The following MYH9 variants were observed in gnomAD, a reference collection of about 807,000 sequenced individuals.
The protein encoded by MYH9 is myosin heavy chain 9.
A neutral mutation model predicts 241.9 loss-of-function variants in MYH9; 29 were observed. That is an observed-to-expected ratio of 0.12 (90% CI 0.09 to 0.16). The LOEUF is 0.16. MYH9 is among the 10% of genes least tolerant of loss of function. The pLI, the probability that MYH9 is intolerant of heterozygous loss-of-function variation, is 1.00. For synonymous variants in MYH9, 1,047 were observed against 1,062.6 expected, an observed-to-expected ratio of 0.99 and a Z score of 0.29; for missense variants, 1,803 against 2,595.5, an observed-to-expected ratio of 0.69 and a Z score of 6.63.
At chr22:36,336,986 C>A (rs533054249) in intron 3 of MYH9, among the ~76,000 whole-genome samples, 1 of 152,236 alleles carries the variant, frequency 6.6e-6, no homozygotes, top group African/African-American at 2.4e-5. Flanking sequence ...TGTGATGCCC[C>A]ACCCGTGCCC....
chr22:36,284,976 G>A, intron 38 of MYH9, 145 bp downstream of exon 38: 1 of 736,622 alleles, frequency 1.4e-6, no homozygotes, highest in South Asian at 1.7e-5. Context: ...CCTGTGGAAG[G>A]GATGAGGGCC....
Position 36,293,529 on chromosome 22 carries a change from A to C in MYH9, c.3943-48T>G, listed in dbSNP as rs749900567. The C allele has an allele frequency of 6.2e-7, 1 of 1,606,608 alleles. No homozygotes were observed. The highest frequency in any genetic ancestry group is 1.7e-5 in the Admixed American group (1 of 60,010). The stretch of plus-strand genomic sequence containing the variant: ...GCGGGTGCTTAGGAGGGTGGTGTCC[A>C]AAACCCAGGAACCCCACACCCTTGA... On this transcript the variant is annotated intron_variant, in intron 29 of 40. Transcript: ENST00000216181. This position sits in a 1 kb window ranked among gnomAD's most constrained non-coding sequence, Gnocchi z 5.1.
chr22:36,379,309 C>T (rs2146425422), intron 1 of MYH9, among the ~76,000 whole-genome samples: 1 of 152,308 alleles, frequency 6.6e-6, no homozygotes, highest in East Asian at 1.9e-4. Flanking sequence ...AGATGGAGAC[C>T]ATCCTGGCTA....
Position 36,346,349 on chromosome 22 carries a change from A to T in MYH9, c.333+2555T>A, listed in dbSNP as rs570095956. On this transcript the variant is annotated intron_variant, in intron 2 of 40. Coordinates refer to ENST00000216181, the MANE Select transcript of MYH9 (RefSeq NM_002473.6). ...TAGTCAGGAGTTCCGGGCAAATACAATGGCCCATGGCTCCCATTGAAGGCT... is the reference window on the plus strand; with the variant it reads ...TAGTCAGGAGTTCCGGGCAAATACATTGGCCCATGGCTCCCATTGAAGGCT... 4.5e-4 allele frequency among the ~76,000 whole-genome samples: 68 copies of T among 152,336 alleles called. 1 individual carries two copies. The highest frequency in any genetic ancestry group is 1.6e-3 in the African/African-American group (68 of 41,582).
At position 36,354,003 on chromosome 22, in the gene MYH9, C is replaced by T. The variant is rs146927640; in HGVS notation, c.-19-4748G>A. Among the ~76,000 whole-genome samples the T allele has an allele frequency of 3.0e-3, 461 of 152,298 alleles. 2 individuals carry two copies. The highest frequency in any genetic ancestry group is 0.01 in the African/African-American group (433 of 41,558). ...GCAACCTCCATCTCCTGGGTTCAAG[C>T]GATTCTCCCACCTCAGCCTCCCGAG... is the stretch of plus-strand genomic sequence containing the variant. On this transcript the variant is annotated intron_variant, in intron 1 of 40. Coordinates refer to ENST00000216181, the MANE Select transcript of MYH9 (RefSeq NM_002473.6).
chr22:36,380,642 G>A (rs2018242872), intron 1 of MYH9, among the ~76,000 whole-genome samples: 1 of 152,158 alleles, frequency 6.6e-6, no homozygotes. Context: ...TCGGGAGGCT[G>A]AGGCAGGAGA....
Position 36,306,126 on chromosome 22 carries a change from T to G in MYH9, c.2038-75A>C. On this transcript the variant is annotated intron_variant, in intron 16 of 40. Coordinates refer to ENST00000216181, the MANE Select transcript of MYH9 (RefSeq NM_002473.6). This position sits in a 1 kb window ranked among gnomAD's most constrained non-coding sequence, Gnocchi z 4.1. The stretch of plus-strand genomic sequence containing the variant: ...TCGGAGAATAGTCAGGGAACCCCTA[T>G]GAACCTGACAGGGCAAGAGCCTAAG... The G allele has an allele frequency of 6.3e-7, 1 of 1,599,304 alleles. No individual in the cohort carries two copies. Among genetic ancestry groups the G allele is most frequent in the South Asian group, 1.1e-5 (1 of 90,726 alleles).
At chr22:36,299,341 G>T (rs1004063870) in intron 23 of MYH9, among the ~76,000 whole-genome samples, 1 of 152,204 alleles carries the variant, frequency 6.6e-6, no homozygotes, top group Non-Finnish European at 1.5e-5. Context: ...AGGGACAGAT[G>T]GCTCCACTCC....
At chr22:36,351,747 C>A (rs1048915279) in intron 1 of MYH9, among the ~76,000 whole-genome samples, 5 of 152,048 alleles carry the variant, frequency 3.3e-5, no homozygotes, top group Non-Finnish European at 7.4e-5. Context: ...TTTCATAGAC[C>A]TCAAACCCAC....
intron 13 of MYH9, among the ~76,000 whole-genome samples, chr22:36,312,794 A>G (rs2017086126): frequency 2.0e-5 from 3 of 152,230 alleles, no homozygotes; most frequent in South Asian, 2.1e-4. Flanking sequence ...TCAACTGATT[A>G]AAGAAAAAAG....
chr22:36,317,048 C>T (rs536152586), intron 11 of MYH9, among the ~76,000 whole-genome samples: 10 of 143,308 alleles, frequency 7.0e-5, no homozygotes, highest in African/African-American at 2.6e-4. Flanking sequence ...ACCCTAAACG[C>T]GCCCAATCTC....
chr22:36,346,025 T>C (rs1170765386), intron 2 of MYH9, among the ~76,000 whole-genome samples: 2 of 152,028 alleles, frequency 1.3e-5, no homozygotes, highest in African/African-American at 4.8e-5. Context: ...TGGGCACCTG[T>C]AGTTGCAGCT....
intron 12 of MYH9, among the ~76,000 whole-genome samples, chr22:36,315,183 C>G (rs2017130646): frequency 6.6e-6 from 1 of 152,090 alleles, no homozygotes; most frequent in Non-Finnish European, 1.5e-5. Context: ...TCTGCAACAA[C>G]CGGAATGTAA....
rs540220521 is a variant in MYH9, at chr22:36,288,399, C to A, written c.4785G>T (p.Glu1595Asp). Residue 1595 changes from glutamate to aspartate, a missense_variant, in exon 34 of 41, where the codon GAG becomes GAT. Glu to Asp is a conservative substitution (Grantham distance 45). Transcript: ENST00000216181. This position sits in a 1 kb window ranked among gnomAD's most constrained non-coding sequence, Gnocchi z 4.8. ...GCTTCCTCTCGTCCTCCAGCTCTGC[C>A]TCCATCTCCCGCACCTGGGGGAAGG... ...KQLVRQVREMEAELEDERKQR... is the reference protein window; with the variant it reads ...KQLVRQVREMDAELEDERKQR... 1 of 1,611,390 alleles carries A rather than the reference C, an allele frequency of 6.2e-7. No homozygotes were observed. The highest frequency in any genetic ancestry group is 2.2e-5 in the East Asian group (1 of 44,878).
In MYH9 at chr22:36,306,510, C is replaced by A. The variant is rs148725860; in HGVS notation, c.1941G>T (p.Gly647=). The change falls in exon 16 of 41, where the codon GGG becomes GGT. Residue 647 remains glycine (G), a synonymous_variant. Coordinates refer to ENST00000216181, the MANE Select transcript of MYH9 (RefSeq NM_002473.6). This position sits in a 1 kb window ranked among gnomAD's most constrained non-coding sequence, Gnocchi z 4.1. ...TGGCCAGCTGCTCCTTGTAAAGCTG[C>A]CCCACAGTGCGGAACATGCCCTTCC... ...KTRKGMFRTV[G]QLYKEQLAKL... 1.2e-6 allele frequency: 2 copies of A among 1,614,178 alleles called. No individual in the cohort carries two copies. The highest frequency in any genetic ancestry group is 3.3e-5 in the Admixed American group (2 of 60,030).
At chr22:36,345,162 A>G (rs1397539705) in intron 2 of MYH9, among the ~76,000 whole-genome samples, 1 of 151,970 alleles carries the variant, frequency 6.6e-6, no homozygotes, top group Non-Finnish European at 1.5e-5. Context: ...AATACAAAAA[A>G]TTAGCCGGGT....
At position 36,306,254 on chromosome 22, in the gene MYH9, C is replaced by T. The variant is rs1009150; in HGVS notation, c.2037+160G>A. The stretch of plus-strand genomic sequence containing the variant: ...GAGGAAGTGCAGGCTGTGAATGTAG[C>T]GTATCTCCTAAGCGAGCCAAGGCCC... On this transcript the variant is annotated intron_variant, in intron 16 of 40. Coordinates refer to ENST00000216181, the MANE Select transcript of MYH9 (RefSeq NM_002473.6). The surrounding 1 kb of genome is among the most constrained non-coding windows in gnomAD (Gnocchi z 4.1). Among the ~76,000 whole-genome samples, 84,340 of 151,846 alleles carry T rather than the reference C, an allele frequency of 0.56. 26,168 individuals carry two copies. Among genetic ancestry groups the T allele is most frequent in the Non-Finnish European group, 0.71 (48,072 of 67,916 alleles).
intron 1 of MYH9, among the ~76,000 whole-genome samples, chr22:36,385,882 G>A (rs1384150303): frequency 2.0e-5 from 3 of 152,112 alleles, no homozygotes; most frequent in Non-Finnish European, 2.9e-5. Context: ...TTCCAACACC[G>A]CATGCTTGCC....
rs971022965 is a variant in MYH9, at chr22:36,295,842, T to C, written c.3273-125A>G. ...CTCCTGTGGTCACAATCATGGCACT[T>C]AGGATGGCTCTCAGCAGAAACAACA... On this transcript the variant is annotated intron_variant, in intron 25 of 40. Transcript: ENST00000216181. This position sits in a 1 kb window ranked among gnomAD's most constrained non-coding sequence, Gnocchi z 4.1. 6 of 844,378 alleles carry C rather than the reference T, an allele frequency of 7.1e-6. No individual in the cohort carries two copies. In the African/African-American group the frequency reaches 8.4e-5, roughly 12 times the overall value. The allele number at this position is 844,378 out of a possible 1,614,324, so 52.3% of individuals were successfully genotyped here. A position where few individuals can be genotyped will look rare whatever the true frequency, so the allele number is the denominator to read the frequency against.
Sources: allele counts gnomAD v4.1 joint callset (sites outside exome capture counted in the v4.1 genomes callset), GRCh38; gene constraint gnomAD v4.1.1; non-coding constraint Gnocchi (gnomAD v3.1); transcripts MANE v1.5; gene names NCBI Gene and HGNC (gene_info 2026-07-23, HGNC 2026-07-21).